FGF13: variants seen among roughly 807,000 people sequenced by gnomAD.
The protein encoded by FGF13 is fibroblast growth factor homologous factor 2.
In FGF13, 2 loss-of-function variants were observed where a neutral mutation model predicts 19.5. The ratio of observed to expected loss-of-function variants is 0.10; its 90% CI spans 0.04 to 0.32. The LOEUF (loss-of-function observed/expected upper bound fraction) is 0.32, where lower values mean the gene tolerates loss of function less well. Among genes scored for constraint, FGF13 ranks in the 10% least tolerant of loss-of-function variants. FGF13 has a pLI of 1.00. For synonymous variants in FGF13, 72 were observed against 76.9 expected (o/e 0.94, Z 0.33); for missense variants, 113 against 192.7 (o/e 0.59, Z 2.45).
chrX:138,689,378 G>T (rs2089816542), intron 3 of FGF13, among the ~76,000 whole-genome samples: 1 of 93,842 alleles, frequency 1.1e-5, no homozygotes, highest in Non-Finnish European at 2.1e-5. Flanking sequence ...TTTCTCCATG[G>T]GTCTACACCT....
chrX:138,871,884 C>G (rs866683459), intron 1 of FGF13, among the ~76,000 whole-genome samples: 3 of 111,947 alleles, frequency 2.7e-5, no homozygotes, highest in African/African-American at 9.7e-5. Flanking sequence ...ATTGTAACAG[C>G]TCTGGCTTTA....
intron 1 of FGF13, among the ~76,000 whole-genome samples, chrX:139,143,621 G>T (rs1273372919): frequency 9.0e-6 from 1 of 111,565 alleles, no homozygotes; most frequent in Non-Finnish European, 1.9e-5. Flanking sequence ...AATTAGGGAA[G>T]ATGTCCCCCA....
rs34940979 is a variant in FGF13 at position 138,914,636 on chromosome X, C to CTTTTT, written c.-112-49991_-112-49987dup. ...CACTAGTTTCGAAGCTTGTGTTGGACTTTTTTTTTTTTTTTTTTGCCTTAC... is the reference window on the plus strand; with the variant it reads ...CACTAGTTTCGAAGCTTGTGTTGGACTTTTTTTTTTTTTTTTTTTTTTTGCCTTAC... On this transcript the variant is annotated intron_variant, in intron 1 of 2. Coordinates refer to the FGF13 transcript ENST00000421460. Among the ~76,000 whole-genome samples the CTTTTT allele has an allele frequency of 6.6e-3, 507 of 76,923 alleles. 15 individuals are homozygous for CTTTTT. Among genetic ancestry groups the CTTTTT allele is most frequent in the African/African-American group, 0.024 (467 of 19,613 alleles). 66.8% of individuals were successfully genotyped at this position (76,923 alleles called of 115,157 possible).
At chrX:138,939,863 A>C (rs2124271430) in intron 1 of FGF13, among the ~76,000 whole-genome samples, 1 of 111,862 alleles carries the variant, frequency 8.9e-6, no homozygotes, top group East Asian at 2.8e-4. Context: ...TCTTGTGAAT[A>C]CTGATGCAAT....
At chrX:138,990,532 C>A (rs2092011267) in intron 1 of FGF13, 1 of 109,824 alleles carries the variant, frequency 9.1e-6, no homozygotes, top group African/African-American at 3.3e-5. Flanking sequence ...GGGGAGGCCT[C>A]ACAATCATGG....
intron 3 of FGF13, among the ~76,000 whole-genome samples, chrX:138,831,672 T>TC (rs1171298379): frequency 1.9e-5 from 2 of 103,074 alleles, no homozygotes; most frequent in African/African-American, 6.8e-5. Context: ...ATTCCATTTC[T>TC]TTTTTTTTTT....
intron 1 of FGF13, among the ~76,000 whole-genome samples, chrX:139,172,473 C>T (rs1238370558): frequency 9.0e-6 from 1 of 111,554 alleles, no homozygotes; most frequent in Admixed American, 9.6e-5. Context: ...TCATTTTCTA[C>T]CCGTGCATAA....
chrX:139,053,139 T>C (rs1218981306), intron 1 of FGF13, among the ~76,000 whole-genome samples: 2 of 111,137 alleles, frequency 1.8e-5, no homozygotes, highest in Admixed American at 9.6e-5. Context: ...TTTACTTAAG[T>C]CTCCAATCTC....
At chrX:138,724,162 C>T (rs986017957) in intron 1 of FGF13, among the ~76,000 whole-genome samples, 2 of 111,608 alleles carry the variant, frequency 1.8e-5, no homozygotes, top group South Asian at 3.7e-4. Context: ...AGAAGCTGCA[C>T]GGAAATAGAT....
At chrX:139,003,647 C>T in intron 1 of FGF13, among the ~76,000 whole-genome samples, 1 of 110,523 alleles carries the variant, frequency 9.0e-6, no homozygotes, top group Non-Finnish European at 1.9e-5. Context: ...ACAGGTTCTC[C>T]AAGGCCTCAC....
chrX:139,183,812 T>C (rs947985108), intron 1 of FGF13, among the ~76,000 whole-genome samples: 1 of 111,597 alleles, frequency 9.0e-6, no homozygotes, highest in Non-Finnish European at 1.9e-5. Flanking sequence ...GATCTACTAG[T>C]CCTAACAGTA....
chrX:138,729,630 A>G (rs895540362), intron 1 of FGF13, among the ~76,000 whole-genome samples: 3 of 110,177 alleles, frequency 2.7e-5, no homozygotes, highest in African/African-American at 9.9e-5. Context: ...TTCAAAATCA[A>G]TGAAAGACAA....
chrX:138,992,685 T>A (rs1475422969), intron 1 of FGF13, among the ~76,000 whole-genome samples: 1 of 111,727 alleles, frequency 9.0e-6, no homozygotes, highest in Non-Finnish European at 1.9e-5. Flanking sequence ...TTCAAATTAA[T>A]AAATGTAGAA....
exon 2 of FGF13, chrX:138,864,577 C>G (rs1365418287): frequency 8.9e-6 from 1 of 111,940 alleles, no homozygotes; most frequent in Non-Finnish European, 1.9e-5. Flanking sequence ...TTCACCTTAC[C>G]TATGCAGCTT....
At chrX:138,736,087 A>G (rs2090272420) in intron 1 of FGF13, among the ~76,000 whole-genome samples, 2 of 111,993 alleles carry the variant, frequency 1.8e-5, no homozygotes, top group Admixed American at 9.4e-5. Context: ...GTTATGGCAC[A>G]TTTTTCTCCC....
intron 3 of FGF13, among the ~76,000 whole-genome samples, chrX:138,641,741 T>C: frequency 9.0e-6 from 1 of 111,520 alleles, no homozygotes; most frequent in South Asian, 3.8e-4. Flanking sequence ...TGAATTTCAT[T>C]ATTACTGAGA....
At chrX:139,051,052 A>T in intron 1 of FGF13, among the ~76,000 whole-genome samples, 1 of 112,140 alleles carries the variant, frequency 8.9e-6, no homozygotes, top group Non-Finnish European at 1.9e-5. Flanking sequence ...CCCACCAAAT[A>T]TACTTAAAGC....
At chrX:138,920,108 C>G (rs921982732) in intron 1 of FGF13, among the ~76,000 whole-genome samples, 1 of 110,649 alleles carries the variant, frequency 9.0e-6, no homozygotes, top group Admixed American at 9.6e-5. Flanking sequence ...TGTCAGCAGG[C>G]AAGTGAGAGT....
chrX:138,867,031 C>T (rs1236542877), intron 1 of FGF13, among the ~76,000 whole-genome samples: 5 of 111,425 alleles, frequency 4.5e-5, no homozygotes, highest in Admixed American at 3.8e-4. Context: ...AACTGAATCT[C>T]GACGTTTAAT....
Sources: gnomAD v4.1 joint callset for allele counts (sites outside exome capture counted in the v4.1 genomes callset) on GRCh38, gnomAD v4.1.1 for gene constraint, MANE v1.5 for transcripts, NCBI Gene and HGNC (gene_info 2026-07-23, HGNC 2026-07-21) for gene names.